Variants in BICD1 observed in about 807,000 individuals in gnomAD.
BICD1 encodes protein bicaudal D homolog 1.
Under a neutral mutation model 92.5 loss-of-function variants are expected in BICD1, and 35 were observed. The observed-to-expected ratio is 0.38, with a 90% CI of 0.29 to 0.50. BICD1 has a LOEUF of 0.50. Ranked by LOEUF, BICD1 falls within the 20% of genes least tolerant of loss-of-function variation. The pLI is 0.93. For synonymous variants in BICD1, 429 were observed against 465.1 expected, an observed-to-expected ratio of 0.92 and a Z score of 1.00; for missense variants, 950 against 1,189.8, an observed-to-expected ratio of 0.80 and a Z score of 2.97.
intron 8 of BICD1, among the ~76,000 whole-genome samples, chr12:32,348,070 C>T (rs1938696135): frequency 6.6e-6 from 1 of 152,180 alleles, no homozygotes; most frequent in South Asian, 2.1e-4. Flanking sequence ...CTTAGTAGAA[C>T]ATCTGATGAC....
rs192195576 is a variant in BICD1, at chr12:32,132,016, T to C, written c.213+24472T>C. Among the ~76,000 whole-genome samples the C allele has an allele frequency of 7.9e-5, 12 of 152,228 alleles. No individual in the cohort carries two copies. In the East Asian group the frequency reaches 2.1e-3, roughly 27 times the overall value. Reference sequence around the variant, plus strand: ...AGGCATGGCCTTTCAGAGGAGATGATGTTGGAGCTGAATCCCAAGTGGTCA... The same window carrying C: ...AGGCATGGCCTTTCAGAGGAGATGACGTTGGAGCTGAATCCCAAGTGGTCA... On this transcript the variant is annotated intron_variant, in intron 1 of 9. Transcript: ENST00000652176.
chr12:32,331,028 G>A (rs1341249431), intron 5 of BICD1, among the ~76,000 whole-genome samples: 2 of 152,260 alleles, frequency 1.3e-5, no homozygotes, highest in Admixed American at 1.3e-4. Flanking sequence ...CAGCTACTCG[G>A]GAGGCTGAGG....
At chr12:32,213,348 T>C (rs975742691) in intron 1 of BICD1, among the ~76,000 whole-genome samples, 2 of 152,222 alleles carry the variant, frequency 1.3e-5, no homozygotes, top group African/African-American at 4.8e-5. Context: ...TTGACAACAA[T>C]ACCACTGAAG....
chr12:32,297,253 G>A (rs949248111), intron 3 of BICD1, among the ~76,000 whole-genome samples: 2 of 152,114 alleles, frequency 1.3e-5, no homozygotes, highest in African/African-American at 4.8e-5. Context: ...TGTCACCCAG[G>A]CTGGAATGCA....
At chr12:32,372,605 A>G (rs762431267) in intron 9 of BICD1, among the ~76,000 whole-genome samples, 28 of 152,168 alleles carry the variant, frequency 1.8e-4, no homozygotes, top group Middle Eastern at 3.2e-3. Flanking sequence ...TCAGCCGGAC[A>G]TGGTGACTCA....
At chr12:32,237,172 G>A (rs978625170) in intron 2 of BICD1, among the ~76,000 whole-genome samples, 21 of 152,058 alleles carry the variant, frequency 1.4e-4, no homozygotes, top group Non-Finnish European at 2.9e-4. Context: ...GAGCCACTGT[G>A]CTTGGCCACC....
intron 2 of BICD1, among the ~76,000 whole-genome samples, chr12:32,227,196 G>A (rs1387050286): frequency 6.6e-6 from 1 of 152,248 alleles, no homozygotes; most frequent in East Asian, 1.9e-4. Context: ...CGGCTGAGCA[G>A]CGCCCTGGAT....
At chr12:32,283,618 G>A (rs1947478890) in intron 2 of BICD1, among the ~76,000 whole-genome samples, 1 of 152,198 alleles carries the variant, frequency 6.6e-6, no homozygotes, top group African/African-American at 2.4e-5. Flanking sequence ...TGAGCAAATT[G>A]GGGATCAAAG....
In BICD1 at chr12:32,248,120, A is replaced by G. The variant is rs529653279; in HGVS notation, c.426+31661A>G. 1.6e-4 allele frequency among the ~76,000 whole-genome samples: 25 copies of G among 152,150 alleles called. 1 individual carries two copies. In the South Asian group the frequency reaches 4.6e-3, roughly 28 times the overall value. ...ACAAAAAAAACAAAAACCCAAGAAG[A>G]CCTCTGTCTCCTAGAGCAGTCACCT... is the stretch of plus-strand genomic sequence containing the variant. On this transcript the variant is annotated intron_variant, in intron 2 of 9. Coordinates refer to ENST00000652176, the MANE Select transcript of BICD1 (RefSeq NM_001714.4).
At chr12:32,282,215 T>C (rs1266325886) in intron 2 of BICD1, among the ~76,000 whole-genome samples, 1 of 18,462 alleles carries the variant, frequency 5.4e-5, no homozygotes, top group African/African-American at 1.1e-4. Context: ...TTTTTTTTTT[T>C]TTTTTTTTTT....
intron 8 of BICD1, among the ~76,000 whole-genome samples, chr12:32,354,425 T>C (rs1267976393): frequency 3.9e-5 from 6 of 152,220 alleles, no homozygotes; most frequent in African/African-American, 1.4e-4. Flanking sequence ...ATATTGAAAT[T>C]TTTTGATGTG....
chr12:32,235,329 A>G (rs912634651), intron 2 of BICD1, among the ~76,000 whole-genome samples: 4 of 152,182 alleles, frequency 2.6e-5, no homozygotes, highest in Non-Finnish European at 5.9e-5. Flanking sequence ...CTCAACAATT[A>G]ATGATAATGA....
At chr12:32,356,367 G>C (rs1287339609) in intron 8 of BICD1, among the ~76,000 whole-genome samples, 1 of 152,208 alleles carries the variant, frequency 6.6e-6, no homozygotes, top group African/African-American at 2.4e-5. Flanking sequence ...AGAGAATAAA[G>C]AGGGCCAGGC....
chr12:32,167,818 G>C (rs1174277356), intron 1 of BICD1, among the ~76,000 whole-genome samples: 4 of 152,178 alleles, frequency 2.6e-5, no homozygotes. Context: ...GGGAAACCCA[G>C]AAACAGCTTT....
At chr12:32,329,744 G>A (rs1470890261) in intron 5 of BICD1, among the ~76,000 whole-genome samples, 1 of 152,192 alleles carries the variant, frequency 6.6e-6, no homozygotes, top group African/African-American at 2.4e-5. Flanking sequence ...TTCTGGACAA[G>A]TAGTAATGTT....
chr12:32,175,055 AT>A (rs1197253199), intron 1 of BICD1, among the ~76,000 whole-genome samples: 3 of 152,096 alleles, frequency 2.0e-5, no homozygotes, highest in African/African-American at 7.2e-5. Context: ...AAAGCTATTG[AT>A]TTTTTTCCTC....
chr12:32,354,385 T>C (rs1939017913), intron 8 of BICD1, among the ~76,000 whole-genome samples: 1 of 152,226 alleles, frequency 6.6e-6, no homozygotes, highest in Non-Finnish European at 1.5e-5. Flanking sequence ...TTTTTAAGAT[T>C]TGTCACCAGG....
chr12:32,190,491 CA>C (rs1359762239), intron 1 of BICD1, among the ~76,000 whole-genome samples: 21 of 152,268 alleles, frequency 1.4e-4, no homozygotes, highest in African/African-American at 4.8e-4. Context: ...AAATCTGTCA[CA>C]GAAGACAAAG....
At chr12:32,271,566 A>G (rs1331923188) in intron 2 of BICD1, among the ~76,000 whole-genome samples, 1 of 152,204 alleles carries the variant, frequency 6.6e-6, no homozygotes, top group Non-Finnish European at 1.5e-5. Context: ...TCCCCCAAGG[A>G]ATCACTGCCT....
Sources: allele counts gnomAD v4.1 joint callset (sites outside exome capture counted in the v4.1 genomes callset), GRCh38; gene constraint gnomAD v4.1.1; transcripts MANE v1.5; gene names NCBI Gene and HGNC (gene_info 2026-07-23, HGNC 2026-07-21).